DLGAP2: variants seen among roughly 807,000 people sequenced by gnomAD.
DLGAP2 encodes DLG associated protein 2, also known as disks large-associated protein 2.
A neutral mutation model predicts 100.3 loss-of-function variants in DLGAP2; 26 were observed. The observed-to-expected ratio is 0.26, with a 90% CI of 0.19 to 0.36. The LOEUF (loss-of-function observed/expected upper bound fraction) is 0.36. DLGAP2 is among the 10% of genes least tolerant of loss of function. The pLI, the probability that DLGAP2 is intolerant of heterozygous loss-of-function variation, is 1.00. For missense variants in DLGAP2, 1,858 were observed against 1,453.2 expected, an observed-to-expected ratio of 1.28 and a Z score of -4.53; for synonymous variants, 886 against 630.1, an observed-to-expected ratio of 1.41 and a Z score of -6.08.
intron 3 of DLGAP2, among the ~76,000 whole-genome samples, chr8:1,311,664 C>G (rs939303939): frequency 6.6e-5 from 10 of 151,222 alleles, no homozygotes; most frequent in Non-Finnish European, 1.5e-4. Flanking sequence ...TCAGTTGACA[C>G]ACGAAAGGTG....
At chr8:1,207,207 C>T (rs7843952) in intron 2 of DLGAP2, among the ~76,000 whole-genome samples, 83,801 of 152,082 alleles carry the variant, frequency 0.55, 25,369 homozygotes, top group African/African-American at 0.81. Context: ...CTGTACCCAA[C>T]GTGTAGTCTT....
intron 3 of DLGAP2, among the ~76,000 whole-genome samples, chr8:1,451,821 G>T (rs1442613343): frequency 1.3e-5 from 2 of 152,162 alleles, no homozygotes; most frequent in Non-Finnish European, 2.9e-5. Context: ...CCACTAGGTA[G>T]CTGGCCCACA....
At chr8:1,632,497 C>G (rs557927722) in intron 7 of DLGAP2, among the ~76,000 whole-genome samples, 1 of 152,186 alleles carries the variant, frequency 6.6e-6, no homozygotes, top group South Asian at 2.1e-4. Flanking sequence ...TGAACCCTTC[C>G]TTTGTACCAG....
At chr8:1,192,571 G>T (rs913225521) in intron 2 of DLGAP2, among the ~76,000 whole-genome samples, 2 of 142,412 alleles carry the variant, frequency 1.4e-5, no homozygotes, top group African/African-American at 2.6e-5. Context: ...CCCCAGCCCC[G>T]CCCTCCCTCT....
At chr8:1,446,417 T>C (rs1256309873) in intron 3 of DLGAP2, among the ~76,000 whole-genome samples, 2 of 152,204 alleles carry the variant, frequency 1.3e-5, no homozygotes, top group Non-Finnish European at 2.9e-5. Flanking sequence ...TGTGGCATTA[T>C]TTCTGAGGGC....
intron 1 of DLGAP2, among the ~76,000 whole-genome samples, chr8:807,705 G>C (rs1796294940): frequency 6.6e-6 from 1 of 152,106 alleles, no homozygotes; most frequent in South Asian, 2.1e-4. Context: ...TGAGGTTGTA[G>C]ATGCAACACT....
In DLGAP2 at chr8:1,375,098, AGCCCCCACC is replaced by A. The variant is rs1306455846; in HGVS notation, c.106+116216_106+116224del. ...TCACCTCTCCACGACCTCAGAACTG[AGCCCCCACC>A]TCCTACATTTGGGTTAACGACACCT... On this transcript the variant is annotated intron_variant, in intron 3 of 14. Transcript: ENST00000637795. 2.4e-4 allele frequency among the ~76,000 whole-genome samples: 36 copies of A among 147,658 alleles called. 7 individuals are homozygous for A. Among genetic ancestry groups the A allele is most frequent in the African/African-American group, 6.5e-4 (26 of 40,164 alleles).
intron 3 of DLGAP2, among the ~76,000 whole-genome samples, chr8:1,310,376 C>T (rs907636034): frequency 6.6e-6 from 1 of 152,160 alleles, no homozygotes; most frequent in African/African-American, 2.4e-5. Flanking sequence ...ATATGTGAAG[C>T]AACCATTGAT....
At chr8:1,279,738 G>A (rs1011778934) in intron 3 of DLGAP2, among the ~76,000 whole-genome samples, 1 of 152,188 alleles carries the variant, frequency 6.6e-6, no homozygotes, top group Non-Finnish European at 1.5e-5. Context: ...TGTGGCTGTA[G>A]GATTCATGGC....
At chr8:1,041,212 C>G (rs1176076022) in intron 2 of DLGAP2, among the ~76,000 whole-genome samples, 1 of 152,198 alleles carries the variant, frequency 6.6e-6, no homozygotes, top group Non-Finnish European at 1.5e-5. Context: ...CATGTTGTAT[C>G]TGCCACAGAC....
intron 3 of DLGAP2, among the ~76,000 whole-genome samples, chr8:1,490,246 A>G (rs1242484205): frequency 6.6e-6 from 1 of 152,164 alleles, no homozygotes; most frequent in Non-Finnish European, 1.5e-5. Flanking sequence ...AGTCATTTGC[A>G]CAATACCCAG....
chr8:1,106,074 G>A (rs1804755666), intron 2 of DLGAP2, among the ~76,000 whole-genome samples: 2 of 150,494 alleles, frequency 1.3e-5, no homozygotes, highest in Admixed American at 6.6e-5. Flanking sequence ...TCTATTGAGG[G>A]GAGCCATTCT....
At chr8:1,551,906 A>G (rs1012499454) in intron 5 of DLGAP2, among the ~76,000 whole-genome samples, 22 of 152,162 alleles carry the variant, frequency 1.4e-4, no homozygotes, top group African/African-American at 5.3e-4. Context: ...TTGAATCAGG[A>G]TCCAGAGAAG....
chr8:1,322,429 T>C (rs1051007715), intron 3 of DLGAP2, among the ~76,000 whole-genome samples: 3 of 152,230 alleles, frequency 2.0e-5, no homozygotes, highest in Non-Finnish European at 4.4e-5. Context: ...ATCCTGCTTC[T>C]GTGACTTCAC....
intron 1 of DLGAP2, among the ~76,000 whole-genome samples, chr8:808,077 A>T (rs1023831488): frequency 3.3e-5 from 5 of 152,140 alleles, no homozygotes; most frequent in African/African-American, 1.2e-4. Context: ...TTTTACGCTC[A>T]TCTGTGTCAG....
At chr8:1,160,119 G>C (rs74696790) in intron 2 of DLGAP2, among the ~76,000 whole-genome samples, 1 of 152,192 alleles carries the variant, frequency 6.6e-6, no homozygotes, top group Non-Finnish European at 1.5e-5. Flanking sequence ...CGCGGCCCGT[G>C]GGTTCGGAAT....
At chr8:875,514 T>C (rs1158567017) in intron 1 of DLGAP2, among the ~76,000 whole-genome samples, 1 of 152,200 alleles carries the variant, frequency 6.6e-6, no homozygotes, top group East Asian at 1.9e-4. Context: ...TCTTCTCCTT[T>C]CTGCTGCCAT....
intron 1 of DLGAP2, among the ~76,000 whole-genome samples, chr8:838,474 C>T (rs1796922915): frequency 6.6e-6 from 1 of 151,588 alleles, no homozygotes; most frequent in Non-Finnish European, 1.5e-5. Flanking sequence ...GGTTGTGAAC[C>T]ACTACTGTAC....
chr8:744,617 G>A (rs928383087), intron 1 of DLGAP2, among the ~76,000 whole-genome samples: 1 of 150,250 alleles, frequency 6.7e-6, no homozygotes, highest in Non-Finnish European at 1.5e-5. Flanking sequence ...CTCTTCTCCG[G>A]CCACGTCGCC....
Sources: gnomAD v4.1 joint callset for allele counts (sites outside exome capture counted in the v4.1 genomes callset) on GRCh38, gnomAD v4.1.1 for gene constraint, MANE v1.5 for transcripts, NCBI Gene and HGNC (gene_info 2026-07-23, HGNC 2026-07-21) for gene names.